Variants in NKAIN1 observed in about 807,000 individuals in gnomAD.
NKAIN1 encodes the protein sodium/potassium-transporting ATPase subunit beta-1-interacting protein 1.
In NKAIN1, 13 loss-of-function variants were observed where a neutral mutation model predicts 31.6. That is an observed-to-expected ratio of 0.41 (90% confidence interval 0.27 to 0.65). The LOEUF (loss-of-function observed/expected upper bound fraction) is 0.65, where lower values mean the gene tolerates loss of function less well. NKAIN1 is among the 30% of genes least tolerant of loss of function. The pLI, the probability that NKAIN1 is intolerant of heterozygous loss-of-function variation, is 0.30. For missense variants in NKAIN1, 193 were observed against 262.2 expected, an observed-to-expected ratio of 0.74 and a Z score of 1.82; for synonymous variants, 104 against 109.0, an observed-to-expected ratio of 0.95 and a Z score of 0.28.
At chr1:31,199,989 G>A (rs975201931) in intron 1 of NKAIN1, among the ~76,000 whole-genome samples, 4 of 149,364 alleles carry the variant, frequency 2.7e-5, no homozygotes, top group Non-Finnish European at 5.9e-5. Context: ...CCTGGTCCCC[G>A]AACACACACA....
intron 2 of NKAIN1, among the ~76,000 whole-genome samples, chr1:31,186,651 T>C (rs1645246765): frequency 6.6e-6 from 1 of 152,082 alleles, no homozygotes; most frequent in South Asian, 2.1e-4. Flanking sequence ...ACCCCAAGCA[T>C]AGAACGGGAG....
chr1:31,193,364 G>A (rs1008909725), intron 1 of NKAIN1, among the ~76,000 whole-genome samples: 10 of 151,630 alleles, frequency 6.6e-5, no homozygotes, highest in Non-Finnish European at 1.0e-4. Flanking sequence ...CACCGCGCCC[G>A]GCAACAATCT....
chr1:31,213,812 C>G (rs1220538777), intron 1 of NKAIN1, among the ~76,000 whole-genome samples: 1 of 151,730 alleles, frequency 6.6e-6, no homozygotes, highest in Non-Finnish European at 1.5e-5. Flanking sequence ...CTGGGCAATA[C>G]AGGGAGATCC....
intron 1 of NKAIN1, among the ~76,000 whole-genome samples, chr1:31,232,688 A>G (rs1453145501): frequency 6.6e-6 from 1 of 151,766 alleles, no homozygotes; most frequent in Non-Finnish European, 1.5e-5. Flanking sequence ...GTCTCCTACC[A>G]CATAGAATAA....
rs1421955524 is a variant in NKAIN1 at position 31,181,729 on chromosome 1, C to T, written c.615-17G>A. 1 of 1,499,112 alleles carries T rather than the reference C, an allele frequency of 6.7e-7. No homozygotes were observed. The highest frequency in any genetic ancestry group is 1.3e-5 in the South Asian group (1 of 76,424). 92.9% of individuals were successfully genotyped at this position (1,499,112 alleles called of 1,614,324 possible). A position where few individuals can be genotyped will look rare whatever the true frequency, so the allele number is the denominator to read the frequency against. On this transcript the variant is annotated splice_polypyrimidine_tract_variant and intron_variant, in intron 6 of 6. Transcript: ENST00000373736. The stretch of plus-strand genomic sequence containing the variant: ...TACCCCGACCTGCGGGAAACAAAGG[C>T]AGGTTAGGGAGAGTGGATCCCAAAA...
rs1645720825 is a variant in NKAIN1, at chr1:31,239,743, T to G, written c.-196A>C. Among the ~76,000 whole-genome samples the G allele has an allele frequency of 6.6e-6, 1 of 150,648 alleles. No individual in the cohort carries two copies. Among genetic ancestry groups the G allele is most frequent in the Non-Finnish European group, 1.5e-5 (1 of 67,524 alleles). ...GCCCGCGCTCCGAGTCCATGGTCCG[T>G]CCGTCCGCGCGCTGGCCCCGCCGAG... On this transcript the variant is annotated 5_prime_UTR_variant, in exon 1 of 7. Transcript: ENST00000373736. The surrounding 1 kb of genome is among the most constrained non-coding windows in gnomAD (Gnocchi z 4.8).
chr1:31,211,166 G>A (rs10798829), intron 1 of NKAIN1, among the ~76,000 whole-genome samples: 102,204 of 152,012 alleles, frequency 0.67, 35,246 homozygotes, highest in Middle Eastern at 0.86. Flanking sequence ...GGACAATTAG[G>A]CAAGAAAAAG....
chr1:31,226,312 C>CAG, intron 1 of NKAIN1, among the ~76,000 whole-genome samples: 1 of 145,184 alleles, frequency 6.9e-6, no homozygotes, highest in South Asian at 2.2e-4. Context: ...AGAAATGCAG[C>CAG]AAAAAAAAAA....
At chr1:31,232,651 T>A (rs1645663641) in intron 1 of NKAIN1, among the ~76,000 whole-genome samples, 1 of 151,178 alleles carries the variant, frequency 6.6e-6, no homozygotes, top group South Asian at 2.1e-4. Context: ...CCATCTCTCC[T>A]TAATACTAGA....
At chr1:31,222,070 G>C (rs1446738774) in intron 1 of NKAIN1, among the ~76,000 whole-genome samples, 2 of 152,046 alleles carry the variant, frequency 1.3e-5, no homozygotes, top group African/African-American at 2.4e-5. Flanking sequence ...GTAGAGACAG[G>C]GTTTCGCCAT....
chr1:31,201,999 G>C (rs993580958), intron 1 of NKAIN1, among the ~76,000 whole-genome samples: 8 of 152,164 alleles, frequency 5.3e-5, no homozygotes, highest in African/African-American at 1.7e-4. Context: ...ACCTCCGCTG[G>C]GCCTGGGGAG....
At chr1:31,220,432 C>T (rs1051195413) in intron 1 of NKAIN1, among the ~76,000 whole-genome samples, 9 of 151,956 alleles carry the variant, frequency 5.9e-5, no homozygotes, top group Admixed American at 4.6e-4. Context: ...CCCATACTAC[C>T]GTATCCCCAG....
chr1:31,202,577 T>G (rs576101207), intron 1 of NKAIN1, among the ~76,000 whole-genome samples: 1 of 149,460 alleles, frequency 6.7e-6, no homozygotes, highest in South Asian at 2.1e-4. Context: ...CTCAGGAGGC[T>G]GAGGCAGGAG....
chr1:31,202,590 T>TGG (rs1448099526), intron 1 of NKAIN1, among the ~76,000 whole-genome samples: 51 of 146,698 alleles, frequency 3.5e-4, no homozygotes, highest in African/African-American at 1.2e-3. Flanking sequence ...GGCAGGAGAA[T>TGG]GGTGTGAACC....
intron 1 of NKAIN1, among the ~76,000 whole-genome samples, chr1:31,203,876 C>T (rs772796927): frequency 2.0e-5 from 3 of 152,124 alleles, no homozygotes; most frequent in African/African-American, 7.2e-5. Context: ...TGAGCCACTG[C>T]GCTCGGCCTA....
At chr1:31,201,965 C>T (rs1011172552) in intron 1 of NKAIN1, among the ~76,000 whole-genome samples, 1 of 152,218 alleles carries the variant, frequency 6.6e-6, no homozygotes, top group Non-Finnish European at 1.5e-5. Context: ...GTCTGCACGC[C>T]CTCCTGCTGC....
intron 1 of NKAIN1, among the ~76,000 whole-genome samples, chr1:31,198,519 C>T (rs1438603695): frequency 6.6e-6 from 1 of 152,060 alleles, no homozygotes; most frequent in Non-Finnish European, 1.5e-5. Flanking sequence ...CCCCCACTCG[C>T]CGCAGCCCAT....
At chr1:31,219,456 G>A (rs1409427499) in intron 1 of NKAIN1, among the ~76,000 whole-genome samples, 1 of 152,218 alleles carries the variant, frequency 6.6e-6, no homozygotes, top group African/African-American at 2.4e-5. Flanking sequence ...CTGACTGGAT[G>A]GGGGAATCTG....
At chr1:31,205,152 T>TC (rs397947773) in intron 1 of NKAIN1, among the ~76,000 whole-genome samples, 1 of 152,168 alleles carries the variant, frequency 6.6e-6, no homozygotes, top group African/African-American at 2.4e-5. Context: ...ATTTTTTTTT[T>TC]GTTTGAGATG....
Sources: gnomAD v4.1 joint callset for allele counts (sites outside exome capture counted in the v4.1 genomes callset) on GRCh38, gnomAD v4.1.1 for gene constraint, Gnocchi (gnomAD v3.1) non-coding constraint, MANE v1.5 for transcripts, NCBI Gene and HGNC (gene_info 2026-07-23, HGNC 2026-07-21) for gene names.